ARHGAP26: variants seen among roughly 807,000 people sequenced by gnomAD.
ARHGAP26 encodes the protein rho GTPase-activating protein 26.
In ARHGAP26, 38 loss-of-function variants were observed where a neutral mutation model predicts 104.8. The ratio of observed to expected loss-of-function variants is 0.36; its 90% CI spans 0.28 to 0.48. The LOEUF is 0.48. Ranked by LOEUF, ARHGAP26 falls within the 20% of genes least tolerant of loss-of-function variation. ARHGAP26 has a pLI of 0.99. For synonymous variants in ARHGAP26, 341 were observed against 340.0 expected, an observed-to-expected ratio of 1.00 and a Z score of -0.03; for missense variants, 704 against 947.9, an observed-to-expected ratio of 0.74 and a Z score of 3.38.
At chr5:143,110,136 C>CACCA (rs1284390308) in intron 17 of ARHGAP26, among the ~76,000 whole-genome samples, 1 of 152,210 alleles carries the variant, frequency 6.6e-6, no homozygotes, top group Non-Finnish European at 1.5e-5. Context: ...TGTCCTTGAC[C>CACCA]ACCAGTCTAA....
chr5:142,924,446 G>A (rs1763624789), intron 10 of ARHGAP26, among the ~76,000 whole-genome samples: 1 of 152,208 alleles, frequency 6.6e-6, no homozygotes, highest in African/African-American at 2.4e-5. Flanking sequence ...GTGAGTCTCA[G>A]TCTTTTCACT....
At chr5:142,788,132 C>G in intron 1 of ARHGAP26, among the ~76,000 whole-genome samples, 1 of 151,800 alleles carries the variant, frequency 6.6e-6, no homozygotes, top group African/African-American at 2.4e-5. Context: ...TCCCCAGTAG[C>G]TAGGATTACA....
At chr5:143,088,608 C>T (rs777939518) in intron 17 of ARHGAP26, among the ~76,000 whole-genome samples, 2 of 152,120 alleles carry the variant, frequency 1.3e-5, no homozygotes, top group East Asian at 1.9e-4. Context: ...AATAAAGTTT[C>T]GGTGCCGCAA....
chr5:142,848,451 ACT>A (rs1262276409), intron 1 of ARHGAP26, among the ~76,000 whole-genome samples: 1 of 151,932 alleles, frequency 6.6e-6, no homozygotes, highest in Non-Finnish European at 1.5e-5. Flanking sequence ...TTCCTCCTTT[ACT>A]CCCTTCCAGT....
chr5:142,920,019 A>G (rs979372623), intron 10 of ARHGAP26, among the ~76,000 whole-genome samples: 7 of 152,136 alleles, frequency 4.6e-5, no homozygotes, highest in African/African-American at 1.7e-4. Context: ...TAAAATAAAA[A>G]TCACTTTTTT....
chr5:143,084,813 G>A (rs1488280453), intron 17 of ARHGAP26, among the ~76,000 whole-genome samples: 5 of 152,174 alleles, frequency 3.3e-5, no homozygotes, highest in South Asian at 2.1e-4. Flanking sequence ...TGGTGAGGCC[G>A]AGGTGGAAAG....
chr5:143,026,918 G>A (rs1781138718), intron 12 of ARHGAP26, among the ~76,000 whole-genome samples: 1 of 152,114 alleles, frequency 6.6e-6, no homozygotes, highest in South Asian at 2.1e-4. Flanking sequence ...GTGAAGAGTA[G>A]TTAGATTCTG....
chr5:142,912,207 A>G (rs1026959295), intron 9 of ARHGAP26, among the ~76,000 whole-genome samples: 1 of 152,248 alleles, frequency 6.6e-6, no homozygotes, highest in Non-Finnish European at 1.5e-5. Flanking sequence ...TCAGTTGAAC[A>G]ATGGAATACT....
chr5:143,169,221 C>G lies in ARHGAP26; in HGVS notation c.1988+21840C>G, dbSNP rs138191124. 9.3e-4 allele frequency among the ~76,000 whole-genome samples: 141 copies of G among 152,330 alleles called. 1 individual carries two copies. The highest frequency in any genetic ancestry group is 6.7e-3 in the Admixed American group (102 of 15,308). On this transcript the variant is annotated intron_variant, in intron 20 of 22. Transcript: ENST00000645722. ...TTTTACATGTACAGACAGTTCTATTCAAGACCCTGTATGTCAGCTTGAGCA... is the reference window on the plus strand; with the variant it reads ...TTTTACATGTACAGACAGTTCTATTGAAGACCCTGTATGTCAGCTTGAGCA...
chr5:142,936,157 A>C (rs1765393556), intron 11 of ARHGAP26, among the ~76,000 whole-genome samples: 2 of 145,234 alleles, frequency 1.4e-5, no homozygotes, highest in African/African-American at 5.3e-5. Flanking sequence ...CCCTTCTATA[A>C]TTAGTAGGTG....
intron 1 of ARHGAP26, among the ~76,000 whole-genome samples, chr5:142,852,078 T>C (rs1318790749): frequency 1.3e-5 from 2 of 152,166 alleles, no homozygotes; most frequent in African/African-American, 4.8e-5. Flanking sequence ...TGATAAGCAC[T>C]TGTTCTAGAG....
chr5:143,002,333 C>T (rs1186573852), intron 11 of ARHGAP26, among the ~76,000 whole-genome samples: 1 of 144,236 alleles, frequency 6.9e-6, no homozygotes, highest in Non-Finnish European at 1.5e-5. Flanking sequence ...GAGCAAGGTT[C>T]TCTCTTCTGC....
chr5:142,957,495 T>G (rs1305038403), intron 11 of ARHGAP26, among the ~76,000 whole-genome samples: 1 of 152,238 alleles, frequency 6.6e-6, no homozygotes, highest in Non-Finnish European at 1.5e-5. Flanking sequence ...GGATTCACTT[T>G]GTGGCTCGTC....
intron 17 of ARHGAP26, among the ~76,000 whole-genome samples, chr5:143,071,506 C>A (rs1011320179): frequency 6.6e-6 from 1 of 152,170 alleles, no homozygotes; most frequent in African/African-American, 2.4e-5. Context: ...CAATGTAGGA[C>A]CCAAAACAAT....
At chr5:142,874,584 T>C (rs1389008972) in intron 2 of ARHGAP26, among the ~76,000 whole-genome samples, 1 of 152,226 alleles carries the variant, frequency 6.6e-6, no homozygotes, top group Non-Finnish European at 1.5e-5. Context: ...CGACTGTTCA[T>C]GTATGAGCAC....
chr5:142,993,041 G>T (rs1231899610), intron 11 of ARHGAP26, among the ~76,000 whole-genome samples: 3 of 151,866 alleles, frequency 2.0e-5, no homozygotes, highest in Non-Finnish European at 4.4e-5. Flanking sequence ...GAGTGCAGTG[G>T]CGGGATCTCG....
At chr5:142,823,316 T>A (rs760997565) in intron 1 of ARHGAP26, among the ~76,000 whole-genome samples, 1 of 152,142 alleles carries the variant, frequency 6.6e-6, no homozygotes, top group Non-Finnish European at 1.5e-5. Context: ...TGTAACATGA[T>A]CAGTATATGC....
intron 17 of ARHGAP26, among the ~76,000 whole-genome samples, chr5:143,114,103 A>G (rs1478299434): frequency 2.6e-5 from 4 of 152,206 alleles, no homozygotes; most frequent in African/African-American, 4.8e-5. Flanking sequence ...GACACTGTGT[A>G]GAAGTACCCA....
intron 17 of ARHGAP26, among the ~76,000 whole-genome samples, chr5:143,076,159 A>ATTTT (rs368079758): frequency 6.4e-5 from 7 of 109,974 alleles, no homozygotes; most frequent in African/African-American, 1.4e-4. Context: ...GACCTGGCTA[A>ATTTT]TTTTTTTTTT....
Sources: gnomAD v4.1 joint callset for allele counts (sites outside exome capture counted in the v4.1 genomes callset) on GRCh38, gnomAD v4.1.1 for gene constraint, MANE v1.5 for transcripts, NCBI Gene and HGNC (gene_info 2026-07-23, HGNC 2026-07-21) for gene names.